Variants in SLC35F1 observed in about 807,000 individuals in gnomAD.
The protein encoded by SLC35F1 is solute carrier family 35 member F1.
SLC35F1 carries 14 observed loss-of-function variants against 48.7 expected under a neutral mutation model. The ratio of observed to expected loss-of-function variants is 0.29; its 90% confidence interval spans 0.19 to 0.45. The LOEUF is 0.45. Among genes scored for constraint, SLC35F1 ranks in the 20% least tolerant of loss-of-function variants. SLC35F1 has a pLI of 1.00. For missense variants in SLC35F1, 404 were observed against 500.0 expected (o/e 0.81, Z 1.83); for synonymous variants, 190 against 202.2 (o/e 0.94, Z 0.51).
chr6:118,004,684 C>G (rs1274768854), intron 1 of SLC35F1, among the ~76,000 whole-genome samples: 2 of 152,124 alleles, frequency 1.3e-5, no homozygotes, highest in African/African-American at 4.8e-5. Context: ...ACTTGAGCCT[C>G]CTGAGTAGCT....
intron 1 of SLC35F1, among the ~76,000 whole-genome samples, chr6:118,071,523 A>G (rs541107344): frequency 5.9e-5 from 9 of 151,774 alleles, no homozygotes; most frequent in African/African-American, 1.9e-4. Flanking sequence ...TTCCTTCACC[A>G]TCTCTTGGAT....
chr6:117,972,080 A>G (rs1776649703), intron 1 of SLC35F1, among the ~76,000 whole-genome samples: 1 of 152,192 alleles, frequency 6.6e-6, no homozygotes, highest in African/African-American at 2.4e-5. Context: ...TTCCTTTTGA[A>G]TACTTTGCTG....
chr6:118,195,342 T>C (rs763229658), intron 2 of SLC35F1, among the ~76,000 whole-genome samples: 1 of 152,204 alleles, frequency 6.6e-6, no homozygotes, highest in African/African-American at 2.4e-5. Flanking sequence ...AACATTCCAC[T>C]GTAAGTTATC....
chr6:118,165,450 T>C (rs112598173), intron 2 of SLC35F1, among the ~76,000 whole-genome samples: 12 of 152,328 alleles, frequency 7.9e-5, no homozygotes, highest in African/African-American at 2.4e-4. Context: ...AAGTCATGTC[T>C]GGAGTAAAAC....
chr6:118,148,365 G>T (rs1202756420), intron 1 of SLC35F1, among the ~76,000 whole-genome samples: 1 of 152,160 alleles, frequency 6.6e-6, no homozygotes, highest in Non-Finnish European at 1.5e-5. Flanking sequence ...AAGAAAACAA[G>T]ATTAAGTTTA....
chr6:118,055,635 T>C (rs1772452487), intron 1 of SLC35F1, among the ~76,000 whole-genome samples: 1 of 152,168 alleles, frequency 6.6e-6, no homozygotes, highest in Admixed American at 6.5e-5. Context: ...GGATCTGCCA[T>C]CACTGTGTTA....
chr6:118,262,264 A>G (rs1481193522), intron 3 of SLC35F1, among the ~76,000 whole-genome samples: 2 of 152,018 alleles, frequency 1.3e-5, no homozygotes, highest in African/African-American at 2.4e-5. Context: ...AAGTCCAAAG[A>G]GAAGCTCGAG....
chr6:118,052,266 C>T (rs918908182), intron 1 of SLC35F1, among the ~76,000 whole-genome samples: 1 of 152,040 alleles, frequency 6.6e-6, no homozygotes, highest in African/African-American at 2.4e-5. Flanking sequence ...TTTTTCTTCC[C>T]CAGGTGTCGT....
chr6:118,245,416 C>T (rs918246746), intron 3 of SLC35F1, among the ~76,000 whole-genome samples: 1 of 152,142 alleles, frequency 6.6e-6, no homozygotes, highest in African/African-American at 2.4e-5. Context: ...GGCCTGATGT[C>T]GGTCCTGTGC....
chr6:118,000,990 G>A (rs1367532832), intron 1 of SLC35F1, among the ~76,000 whole-genome samples: 2 of 151,982 alleles, frequency 1.3e-5, no homozygotes, highest in Non-Finnish European at 2.9e-5. Flanking sequence ...CTCATCGGTA[G>A]GAAGAATCAA....
At chr6:118,119,494 G>GCCCCCCCC (rs369126799) in intron 1 of SLC35F1, among the ~76,000 whole-genome samples, 104 of 52,178 alleles carry the variant, frequency 2.0e-3, no homozygotes, top group East Asian at 3.6e-3. Flanking sequence ...AATAACCGGC[G>GCCCCCCCC]CCCCCCCTCC....
At chr6:117,997,697 G>T (rs1341198210) in intron 1 of SLC35F1, among the ~76,000 whole-genome samples, 4 of 152,088 alleles carry the variant, frequency 2.6e-5, no homozygotes, top group East Asian at 1.9e-4. Flanking sequence ...GAAGGAGAAA[G>T]AAAATCCTTT....
intron 1 of SLC35F1, among the ~76,000 whole-genome samples, chr6:118,046,149 G>T (rs1772296806): frequency 6.6e-6 from 1 of 152,192 alleles, no homozygotes; most frequent in Non-Finnish European, 1.5e-5. Context: ...AACTGGCTTT[G>T]TAGGCAAAGT....
intron 1 of SLC35F1, among the ~76,000 whole-genome samples, chr6:118,153,840 T>TC (rs748660138): frequency 2.0e-5 from 3 of 152,174 alleles, no homozygotes; most frequent in Non-Finnish European, 2.9e-5. Flanking sequence ...CACCTAATGC[T>TC]CATCAAAGCT....
chr6:118,012,392 T>A (rs1179134961), intron 1 of SLC35F1, among the ~76,000 whole-genome samples: 1 of 151,888 alleles, frequency 6.6e-6, no homozygotes, highest in Non-Finnish European at 1.5e-5. Flanking sequence ...TGTGAGAGTC[T>A]TCATAGTGGC....
chr6:118,109,918 C>A (rs1257971770), intron 1 of SLC35F1, among the ~76,000 whole-genome samples: 2 of 152,160 alleles, frequency 1.3e-5, no homozygotes, highest in Admixed American at 1.3e-4. Context: ...AAGGGCTTTC[C>A]CTCTGTGAGG....
chr6:118,283,676 C>T (rs1237709325), intron 6 of SLC35F1, among the ~76,000 whole-genome samples: 3 of 152,070 alleles, frequency 2.0e-5, no homozygotes, highest in South Asian at 2.1e-4. Flanking sequence ...TGATCTTGTC[C>T]CTAGTCTGTT....
intron 1 of SLC35F1, among the ~76,000 whole-genome samples, chr6:118,014,156 T>C (rs972688988): frequency 1.3e-5 from 2 of 152,204 alleles, no homozygotes; most frequent in African/African-American, 4.8e-5. Context: ...TATAATAATA[T>C]TTACTTTGAA....
At chr6:118,233,157 G>T (rs1209658250) in intron 2 of SLC35F1, among the ~76,000 whole-genome samples, 2 of 152,190 alleles carry the variant, frequency 1.3e-5, no homozygotes, top group Non-Finnish European at 2.9e-5. Flanking sequence ...AGTAGAGACA[G>T]AGTTTCACCA....
Sources: allele counts gnomAD v4.1 joint callset (sites outside exome capture counted in the v4.1 genomes callset), GRCh38; gene constraint gnomAD v4.1.1; transcripts MANE v1.5; gene names NCBI Gene and HGNC (gene_info 2026-07-23, HGNC 2026-07-21).